Variants in CSMD3 observed in about 807,000 individuals in gnomAD.
The protein encoded by CSMD3 is CUB and sushi domain-containing protein 3.
In CSMD3, 177 loss-of-function variants were observed where a neutral mutation model predicts 435.2. That is an observed-to-expected ratio of 0.41 (90% CI 0.36 to 0.46). CSMD3 has a LOEUF of 0.46. Among genes scored for constraint, CSMD3 ranks in the 20% least tolerant of loss-of-function variants. CSMD3 has a pLI of 0.34. For missense variants in CSMD3, 4,265 were observed against 4,504.6 expected, an observed-to-expected ratio of 0.95 and a Z score of 1.52; for synonymous variants, 1,656 against 1,520.5, an observed-to-expected ratio of 1.09 and a Z score of -2.07.
chr8:112,410,146 G>T (rs1316468197), intron 32 of CSMD3, among the ~76,000 whole-genome samples: 3 of 151,798 alleles, frequency 2.0e-5, no homozygotes, highest in East Asian at 1.9e-4. Flanking sequence ...ATGAATTCAG[G>T]TATACACATA....
At chr8:113,220,770 A>G (rs1033812529) in intron 3 of CSMD3, among the ~76,000 whole-genome samples, 9 of 151,280 alleles carry the variant, frequency 5.9e-5, no homozygotes, top group African/African-American at 2.2e-4. Context: ...GCAAAGGGGG[A>G]AGTAACTATA....
At chr8:113,332,569 G>A (rs1475801449) in intron 1 of CSMD3, among the ~76,000 whole-genome samples, 3 of 151,420 alleles carry the variant, frequency 2.0e-5, no homozygotes, top group African/African-American at 7.3e-5. Flanking sequence ...TATATTTAAC[G>A]AGAGAAGCAA....
intron 4 of CSMD3, among the ~76,000 whole-genome samples, chr8:113,163,990 G>T (rs1390496113): frequency 1.3e-5 from 2 of 151,904 alleles, no homozygotes; most frequent in African/African-American, 4.8e-5. Context: ...TTTAGCTAAA[G>T]AAATATTTCA....
At chr8:112,797,803 T>C (rs888363009) in intron 13 of CSMD3, among the ~76,000 whole-genome samples, 1 of 151,878 alleles carries the variant, frequency 6.6e-6, no homozygotes, top group Non-Finnish European at 1.5e-5. Flanking sequence ...AGGTTTTAAA[T>C]TATGTAGAAT....
At chr8:112,577,483 G>A (rs185056126) in intron 23 of CSMD3, among the ~76,000 whole-genome samples, 13 of 152,048 alleles carry the variant, frequency 8.5e-5, no homozygotes, top group Non-Finnish European at 1.8e-4. Context: ...AGACCTTTAA[G>A]TATGTTTTTG....
intron 38 of CSMD3, among the ~76,000 whole-genome samples, chr8:112,374,023 G>A (rs575796350): frequency 1.3e-5 from 2 of 152,158 alleles, no homozygotes; most frequent in African/African-American, 4.8e-5. Context: ...TGTTTTATAC[G>A]TTTGTCCTTA....
intron 59 of CSMD3, among the ~76,000 whole-genome samples, chr8:112,279,058 A>C (rs547517338): frequency 6.0e-5 from 9 of 151,112 alleles, no homozygotes; most frequent in African/African-American, 2.0e-4. Flanking sequence ...ACAACAACAA[A>C]ACACTAGGAT....
chr8:112,447,814 G>A (rs1365930188), intron 32 of CSMD3, among the ~76,000 whole-genome samples: 1 of 152,066 alleles, frequency 6.6e-6, no homozygotes, highest in Non-Finnish European at 1.5e-5. Context: ...TGAAAGCCTG[G>A]AATGTCTCTT....
intron 38 of CSMD3, among the ~76,000 whole-genome samples, chr8:112,378,292 C>T (rs1245522385): frequency 4.0e-5 from 6 of 150,890 alleles, no homozygotes; most frequent in Admixed American, 3.3e-4. Flanking sequence ...GAAAATAGAA[C>T]TATATAAGAT....
intron 59 of CSMD3, among the ~76,000 whole-genome samples, chr8:112,275,664 A>G (rs917408003): frequency 6.6e-6 from 1 of 152,180 alleles, no homozygotes; most frequent in Non-Finnish European, 1.5e-5. Context: ...GCAGGCAAGA[A>G]AGAATGAGAA....
chr8:112,853,319 G>A (rs148079906), intron 11 of CSMD3, among the ~76,000 whole-genome samples: 6,164 of 152,034 alleles, frequency 0.041, 434 homozygotes, highest in African/African-American at 0.14. Flanking sequence ...TCTGCCTCCC[G>A]GGTTCAAGCA....
At chr8:112,804,690 A>T (rs2079040459) in intron 12 of CSMD3, among the ~76,000 whole-genome samples, 1 of 148,334 alleles carries the variant, frequency 6.7e-6, no homozygotes, top group African/African-American at 2.5e-5. Flanking sequence ...TTTTGAGATG[A>T]AGTCTCGCTC....
chr8:112,981,313 G>C (rs1039200761), intron 6 of CSMD3, among the ~76,000 whole-genome samples: 1 of 151,334 alleles, frequency 6.6e-6, no homozygotes, highest in African/African-American at 2.4e-5. Flanking sequence ...AGTGATGTAA[G>C]AAAAAATTCA....
At chr8:113,266,338 T>C (rs529138283) in intron 3 of CSMD3, among the ~76,000 whole-genome samples, 3 of 151,390 alleles carry the variant, frequency 2.0e-5, no homozygotes, top group African/African-American at 7.2e-5. Flanking sequence ...TCATGCATAA[T>C]ATTTGCAAGG....
intron 4 of CSMD3, among the ~76,000 whole-genome samples, chr8:113,163,125 T>C (rs765528241): frequency 2.0e-5 from 3 of 152,116 alleles, no homozygotes; most frequent in Non-Finnish European, 4.4e-5. Flanking sequence ...ATCTCTCCTA[T>C]AATATGAAAA....
At chr8:112,594,289 C>G (rs377046396) in intron 22 of CSMD3, among the ~76,000 whole-genome samples, 1 of 152,172 alleles carries the variant, frequency 6.6e-6, no homozygotes, top group East Asian at 1.9e-4. Flanking sequence ...CACTCCCACT[C>G]GAATATTGCG....
intron 39 of CSMD3, among the ~76,000 whole-genome samples, chr8:112,351,511 T>C (rs972589108): frequency 6.6e-5 from 10 of 151,964 alleles, no homozygotes; most frequent in African/African-American, 2.4e-4. Context: ...TATTTTCCTA[T>C]AACAATATGT....
intron 1 of CSMD3, among the ~76,000 whole-genome samples, chr8:113,418,516 A>G (rs59145069): frequency 0.01 from 1,576 of 152,322 alleles, 37 homozygotes; most frequent in African/African-American, 0.036. Context: ...AAAAGAACCT[A>G]AAGTCTATTT....
At chr8:112,955,639 T>G (rs1472238910) in intron 7 of CSMD3, among the ~76,000 whole-genome samples, 1 of 151,834 alleles carries the variant, frequency 6.6e-6, no homozygotes, top group Non-Finnish European at 1.5e-5. Context: ...TGTATGTAAT[T>G]TTGTCCCCAT....
Sources: allele counts gnomAD v4.1 joint callset (sites outside exome capture counted in the v4.1 genomes callset), GRCh38; gene constraint gnomAD v4.1.1; transcripts MANE v1.5; gene names NCBI Gene and HGNC (gene_info 2026-07-23, HGNC 2026-07-21).